The following CLEC4C variants were observed in gnomAD, a reference collection of about 807,000 sequenced individuals.
CLEC4C encodes the protein C-type lectin domain family 4 member C.
Under a neutral mutation model 27.7 loss-of-function variants are expected in CLEC4C, and 17 were observed. The observed-to-expected ratio is 0.61, with a 90% CI of 0.42 to 0.92. CLEC4C has a LOEUF of 0.92. CLEC4C is among the 40% of genes least tolerant of loss of function. The probability of loss-of-function intolerance (pLI) is 0.00; values close to 1 mark genes in which losing one functional copy is unlikely to be tolerated. For missense variants in CLEC4C, 244 were observed against 257.3 expected, an observed-to-expected ratio of 0.95 and a Z score of 0.35; for synonymous variants, 80 against 80.8, an observed-to-expected ratio of 0.99 and a Z score of 0.06.
chr12:7,746,445 T>C (rs373908660), intron 1 of CLEC4C, 22 bp from the exon 2 acceptor site: 10 of 1,511,694 alleles, frequency 6.6e-6, no homozygotes, highest in East Asian at 2.3e-5. Context: ...GCATGACAAA[T>C]GCACAGTCAT....
upstream of CLEC4C, chr12:7,747,526 C>T: frequency 1.9e-6 from 1 of 523,248 alleles, no homozygotes; most frequent in South Asian, 3.2e-5. Context: ...CTGCAGTGAG[C>T]TAAAGCTTTC....
chr12:7,746,901 T>C lies in CLEC4C; in HGVS notation c.31+417A>G, dbSNP rs187646186. ...GTGCAATGGCACGATCTCGGCTCAC[T>C]GCAACCTCCGCCTCCCAGGTTCAAG... On this transcript the variant is annotated intron_variant, in intron 1 of 5. Coordinates refer to ENST00000360345, the MANE Select transcript of CLEC4C (RefSeq NM_001371390.1). Among the ~76,000 whole-genome samples, 858 of 151,458 alleles carry C rather than the reference T, an allele frequency of 5.7e-3. 13 individuals are homozygous for C. Among genetic ancestry groups the C allele is most frequent in the African/African-American group, 0.019 (776 of 41,374 alleles).
chr12:7,737,708 T>C, intron 3 of CLEC4C, 134 bp from the exon 4 acceptor site: 1 of 784,712 alleles, frequency 1.3e-6, no homozygotes, highest in East Asian at 2.6e-5. Context: ...GCTGAACTCA[T>C]TTACTGGTGT....
Position 7,729,526 on chromosome 12 carries a change from T to TA in CLEC4C, c.*69dup. 6.8e-7 allele frequency: 1 copy of TA among 1,471,140 alleles called. No homozygotes were observed. The highest frequency in any genetic ancestry group is 9.3e-7 in the Non-Finnish European group (1 of 1,075,036). The allele number at this position is 1,471,140 out of a possible 1,614,324, so 91.1% of individuals were successfully genotyped here. A position where few individuals can be genotyped will look rare whatever the true frequency, so the allele number is the denominator to read the frequency against. The stretch of plus-strand genomic sequence containing the variant: ...CCTTGTACAAAACTTACACATAAAT[T>TA]AAAAAATCAATTTAGCTTTCTACAA... On this transcript the variant is annotated 3_prime_UTR_variant, in exon 6 of 6. Coordinates refer to ENST00000360345, the MANE Select transcript of CLEC4C (RefSeq NM_001371390.1).
chr12:7,742,810 AAAATAAATAAATAAATAAAT>A (rs71038739), intron 2 of CLEC4C, among the ~76,000 whole-genome samples: 34,079 of 145,148 alleles, frequency 0.23, 4,416 homozygotes, highest in Admixed American at 0.33. Flanking sequence ...CTCCATCTCA[AAAATAAATAAATAAATAAAT>A]AAATAAATAA....
At chr12:7,741,231 G>A (rs745920014) in intron 3 of CLEC4C, among the ~76,000 whole-genome samples, 190 bp downstream of exon 3, 103 of 152,294 alleles carry the variant, frequency 6.8e-4, no homozygotes, top group African/African-American at 2.5e-3. Context: ...CTCCCAAAGT[G>A]TTGGGATTAC....
intron 1 of CLEC4C, 63 bp from the exon 2 acceptor site, chr12:7,746,486 G>C: frequency 4.8e-6 from 5 of 1,035,488 alleles, no homozygotes; most frequent in Non-Finnish European, 7.4e-6. Flanking sequence ...CAGGAAACCA[G>C]AGTCCCAAAA....
intron 3 of CLEC4C, among the ~76,000 whole-genome samples, 178 bp from the exon 4 acceptor site, chr12:7,737,752 A>T (rs1023536868): frequency 1.3e-5 from 2 of 152,324 alleles, no homozygotes; most frequent in Non-Finnish European, 2.9e-5. Flanking sequence ...CACTCTATAC[A>T]GGGACCAGCA....
chr12:7,733,954 A>G lies in CLEC4C; in HGVS notation c.382-3042T>C, dbSNP rs772873906. ...CTCACCCAGGCTGGAGTGCAGTGGT[A>G]TGATCTCGGCTCACTGCAACCTCTA... On this transcript the variant is annotated intron_variant, in intron 4 of 5. Transcript: ENST00000360345. Among the ~76,000 whole-genome samples, 377 of 151,100 alleles carry G rather than the reference A, an allele frequency of 2.5e-3. 1 individual carries two copies. Among genetic ancestry groups the G allele is most frequent in the African/African-American group, 8.8e-3 (358 of 40,816 alleles).
chr12:7,746,491 C>A, intron 1 of CLEC4C, 68 bp from the exon 2 acceptor site: 1 of 968,846 alleles, frequency 1.0e-6, no homozygotes, highest in Non-Finnish European at 1.6e-6. Flanking sequence ...AACCAGAGTC[C>A]CAAAAATCTT....
chr12:7,747,881 G>T (rs544139849), upstream of CLEC4C, among the ~76,000 whole-genome samples: 1 of 123,282 alleles, frequency 8.1e-6, no homozygotes, highest in Non-Finnish European at 1.6e-5. Flanking sequence ...ACCTCCTGCC[G>T]TTGCACTCCA....
At chr12:7,736,696 C>G (rs1565460773) in intron 4 of CLEC4C, among the ~76,000 whole-genome samples, 1 of 151,818 alleles carries the variant, frequency 6.6e-6, no homozygotes, top group African/African-American at 2.4e-5. Flanking sequence ...ATCACGAGGT[C>G]AGGAGATCCA....
intron 2 of CLEC4C, 51 bp downstream of exon 2, chr12:7,746,280 T>C (rs770625973): frequency 1.0e-6 from 1 of 963,530 alleles, no homozygotes. Context: ...ATTGATAAAA[T>C]GTGATTGGGA....
chr12:7,745,209 G>T (rs1054333934), intron 2 of CLEC4C, among the ~76,000 whole-genome samples: 2 of 151,962 alleles, frequency 1.3e-5, no homozygotes, highest in Middle Eastern at 3.4e-3. Flanking sequence ...GGTTATGAGG[G>T]GGGGCTCTCA....
chr12:7,741,544 A>T lies in CLEC4C; in HGVS notation c.125-13T>A. 2.2e-6 allele frequency: 3 copies of T among 1,388,162 alleles called. No homozygotes were observed. Among genetic ancestry groups the T allele is most frequent in the Non-Finnish European group, 3.1e-6 (3 of 973,512 alleles). 86.0% of individuals were successfully genotyped at this position (1,388,162 alleles called of 1,614,324 possible). ...AAATTGTGAGGCACTGGGAAAGAGAAATCGGAGTTAGTTCTCATTCTTTTA... is the reference window on the plus strand; with the variant it reads ...AAATTGTGAGGCACTGGGAAAGAGATATCGGAGTTAGTTCTCATTCTTTTA... On this transcript the variant is annotated splice_polypyrimidine_tract_variant and intron_variant, in intron 2 of 5. Coordinates refer to ENST00000360345, the MANE Select transcript of CLEC4C (RefSeq NM_001371390.1).
intron 2 of CLEC4C, among the ~76,000 whole-genome samples, chr12:7,743,119 A>G (rs1864895073): frequency 6.6e-6 from 1 of 152,188 alleles, no homozygotes; most frequent in South Asian, 2.1e-4. Flanking sequence ...GCCTGCTCAT[A>G]GTAGGTGTTC....
chr12:7,735,734 T>C lies in CLEC4C; in HGVS notation c.381+1695A>G, dbSNP rs7967879. 4.9e-3 allele frequency among the ~76,000 whole-genome samples: 700 copies of C among 142,688 alleles called. 4 individuals carry two copies. The highest frequency in any genetic ancestry group is 0.017 in the African/African-American group (662 of 38,152). 93.6% of individuals were successfully genotyped at this position (142,688 alleles called of 152,430 possible). On this transcript the variant is annotated intron_variant, in intron 4 of 5. Transcript: ENST00000360345. ...AGGAGAATCGCTTGAACGCAGGAGG[T>C]GGAGGTTGCAGTGAGCTGAGATCGA...
In CLEC4C at chr12:7,746,363, A is replaced by C; in HGVS notation, c.92T>G (p.Leu31Arg). The part of the protein sequence containing the change: ...VWSMAVVSIL[L>R]LSVCFTVSSV... Reference sequence around the variant, plus strand: ...ACTCACAGTGAAACAGACACTGAGGAGCAAGATGGATACGACTGCCATGGA... The same window carrying C: ...ACTCACAGTGAAACAGACACTGAGGCGCAAGATGGATACGACTGCCATGGA... The change falls in exon 2 of 6, where the codon CTC becomes CGC. Residue 31 changes from leucine to arginine, a missense_variant. By Grantham distance (102) the Leu-to-Arg change is moderately radical. Coordinates refer to ENST00000360345, the MANE Select transcript of CLEC4C (RefSeq NM_001371390.1). The C allele has an allele frequency of 6.2e-7, 1 of 1,613,882 alleles. No individual in the cohort carries two copies. The highest frequency in any genetic ancestry group is 1.1e-5 in the South Asian group (1 of 91,072).
chr12:7,734,164 C>T (rs1864666282), intron 4 of CLEC4C, among the ~76,000 whole-genome samples: 2 of 152,084 alleles, frequency 1.3e-5, no homozygotes, highest in South Asian at 2.1e-4. Flanking sequence ...TGTGTGCTTC[C>T]CTCCCTCTCC....
Sources: gnomAD v4.1 joint callset for allele counts (sites outside exome capture counted in the v4.1 genomes callset) on GRCh38, gnomAD v4.1.1 for gene constraint, MANE v1.5 for transcripts, NCBI Gene and HGNC (gene_info 2026-07-23, HGNC 2026-07-21) for gene names.